NCKAP1: variants seen among roughly 807,000 people sequenced by gnomAD.
The protein encoded by NCKAP1 is NCK associated protein 1.
In NCKAP1, 21 loss-of-function variants were observed where a neutral mutation model predicts 151.2. The observed-to-expected ratio is 0.14, with a 90% CI of 0.10 to 0.20. NCKAP1 has a LOEUF of 0.20. Among genes scored for constraint, NCKAP1 ranks in the 10% least tolerant of loss-of-function variants. The pLI is 1.00. For missense variants in NCKAP1, 933 were observed against 1,352.1 expected, an observed-to-expected ratio of 0.69 and a Z score of 4.86; for synonymous variants, 484 against 451.8, an observed-to-expected ratio of 1.07 and a Z score of -0.90.
At chr2:182,982,469 T>C (rs1056344261) in intron 12 of NCKAP1, among the ~76,000 whole-genome samples, 6 of 152,136 alleles carry the variant, frequency 3.9e-5, no homozygotes, top group African/African-American at 9.7e-5. Context: ...TTAGTACAAA[T>C]TGTACTTTGA....
At chr2:182,971,054 G>T (rs1213419230) in intron 15 of NCKAP1, among the ~76,000 whole-genome samples, 1 of 152,022 alleles carries the variant, frequency 6.6e-6, no homozygotes, top group African/African-American at 2.4e-5. Flanking sequence ...TCTCTACAAT[G>T]AAAGCTATAA....
intron 24 of NCKAP1, among the ~76,000 whole-genome samples, chr2:182,941,739 A>G (rs994367779): frequency 6.6e-6 from 1 of 152,212 alleles, no homozygotes; most frequent in African/African-American, 2.4e-5. Context: ...TAGAAAGTTA[A>G]CAGGCTCAGA....
At chr2:182,969,271 G>A (rs892805324) in intron 15 of NCKAP1, among the ~76,000 whole-genome samples, 1 of 152,170 alleles carries the variant, frequency 6.6e-6, no homozygotes, top group East Asian at 1.9e-4. Flanking sequence ...TGACCACAGT[G>A]CAATAAAACT....
At chr2:183,002,086 A>C in intron 5 of NCKAP1, 41 bp downstream of exon 5, 1 of 1,612,454 alleles carries the variant, frequency 6.2e-7, no homozygotes, top group Non-Finnish European at 8.5e-7. Context: ...GTAATCCATC[A>C]AACTGAGCAT....
chr2:182,972,224 C>CAAAAAAAA (rs56834438), intron 15 of NCKAP1, among the ~76,000 whole-genome samples: 37 of 67,670 alleles, frequency 5.5e-4, no homozygotes, highest in Middle Eastern at 0.013. Context: ...AGCTTAATAG[C>CAAAAAAAA]AAAAAAAAAA....
chr2:182,953,250 T>A lies in NCKAP1; in HGVS notation c.2235A>T (p.Ala745=), dbSNP rs1398889425. 1 of 1,613,498 alleles carries A rather than the reference T, an allele frequency of 6.2e-7. No individual in the cohort carries two copies. Among genetic ancestry groups the A allele is most frequent in the African/African-American group, 1.3e-5 (1 of 75,030 alleles). Reference sequence around the variant, plus strand: ...CTATTGACTGGAGTACGGTCATGTATGCTCTTACACTTGTTAGAAGTTCTG... The same window carrying A: ...CTATTGACTGGAGTACGGTCATGTAAGCTCTTACACTTGTTAGAAGTTCTG... ...KPSELLTSVR[A]YMTVLQSIEN... The change falls in exon 21 of 31, where the codon GCA becomes GCT. Residue 745 remains alanine, a synonymous_variant. Transcript: ENST00000361354.
intron 27 of NCKAP1, among the ~76,000 whole-genome samples, chr2:182,929,775 A>C (rs899443376): frequency 2.6e-5 from 4 of 151,840 alleles, no homozygotes; most frequent in African/African-American, 4.8e-5. Flanking sequence ...AAAAAAAAAA[A>C]AACTGATGAA....
At chr2:182,962,982 T>C (rs1027390869) in intron 17 of NCKAP1, among the ~76,000 whole-genome samples, 3 of 152,084 alleles carry the variant, frequency 2.0e-5, no homozygotes, top group Non-Finnish European at 2.9e-5. Flanking sequence ...TCTAATACTT[T>C]ACAAAGAAAT....
chr2:182,998,290 T>C (rs1396094021), intron 6 of NCKAP1, among the ~76,000 whole-genome samples: 2 of 152,078 alleles, frequency 1.3e-5, no homozygotes, highest in Admixed American at 1.3e-4. Flanking sequence ...ACTCCTACCA[T>C]GTCTGTACTC....
intron 2 of NCKAP1, among the ~76,000 whole-genome samples, chr2:183,016,708 G>A (rs754456190): frequency 6.6e-5 from 10 of 152,180 alleles, no homozygotes; most frequent in Non-Finnish European, 4.4e-5. Flanking sequence ...AAAGATGAGT[G>A]CGTGGTCCAG....
intron 9 of NCKAP1, among the ~76,000 whole-genome samples, chr2:182,988,161 T>C (rs1205177116): frequency 6.6e-6 from 1 of 152,082 alleles, no homozygotes; most frequent in Non-Finnish European, 1.5e-5. Context: ...TGGATTTCAA[T>C]TTGCATTTCG....
intron 2 of NCKAP1, among the ~76,000 whole-genome samples, chr2:183,023,357 A>ATT (rs1238335544): frequency 2.6e-5 from 4 of 152,160 alleles, no homozygotes; most frequent in Non-Finnish European, 5.9e-5. Flanking sequence ...TAATCTTTAG[A>ATT]AATCATTGTC....
chr2:183,009,060 T>A (rs9751944), intron 2 of NCKAP1, among the ~76,000 whole-genome samples: 1 of 152,128 alleles, frequency 6.6e-6, no homozygotes, highest in Non-Finnish European at 1.5e-5. Context: ...CTGAGGAAAC[T>A]GTAGTAAATA....
intron 2 of NCKAP1, among the ~76,000 whole-genome samples, chr2:183,016,301 T>G (rs892475074): frequency 6.6e-6 from 1 of 152,252 alleles, no homozygotes; most frequent in African/African-American, 2.4e-5. Context: ...CTGCCACTAT[T>G]TGACCTATTT....
chr2:182,962,366 G>T (rs1697472918), intron 17 of NCKAP1, 88 bp from the exon 18 acceptor site: 1 of 1,299,782 alleles, frequency 7.7e-7, no homozygotes, highest in Admixed American at 2.6e-5. Flanking sequence ...GGAAAATTAG[G>T]CTAAAGGTAC....
At chr2:182,980,897 ACACTGAAC>A (rs1207772783) in intron 13 of NCKAP1, among the ~76,000 whole-genome samples, 1 of 152,116 alleles carries the variant, frequency 6.6e-6, no homozygotes, top group African/African-American at 2.4e-5. Flanking sequence ...TCTACCATCC[ACACTGAAC>A]CAGGGTGATC....
In NCKAP1 at chr2:182,952,852, A is replaced by C; in HGVS notation, c.2444T>G (p.Val815Gly). ...TAATTCATTTTCTGTAGGTAAGTTC[A>C]CAAACGCTTTCATTGCAGGAAAATA... is the stretch of plus-strand genomic sequence containing the variant. The part of the protein sequence containing the change: ...IAYFPAMKAF[V>G]NLPTENELTF... The change falls in exon 22 of 31, where the codon GTG becomes GGG. Residue 815 changes from valine (V) to glycine (G), a missense_variant. Transcript: ENST00000361354. The C allele has an allele frequency of 6.2e-7, 1 of 1,612,182 alleles. No homozygotes were observed. Among genetic ancestry groups the C allele is most frequent in the Non-Finnish European group, 8.5e-7 (1 of 1,178,870 alleles).
chr2:183,000,087 C>G (rs1698348787), intron 6 of NCKAP1, among the ~76,000 whole-genome samples: 1 of 152,124 alleles, frequency 6.6e-6, no homozygotes, highest in Admixed American at 6.5e-5. Flanking sequence ...AAGCCCAAAC[C>G]CAGCATCACA....
At chr2:183,020,508 A>G (rs1043933599) in intron 2 of NCKAP1, among the ~76,000 whole-genome samples, 1 of 151,182 alleles carries the variant, frequency 6.6e-6, no homozygotes, top group East Asian at 1.9e-4. Flanking sequence ...AATTTATTGC[A>G]TTTTCACCAG....
Sources: allele counts gnomAD v4.1 joint callset (sites outside exome capture counted in the v4.1 genomes callset), GRCh38; gene constraint gnomAD v4.1.1; transcripts MANE v1.5; gene names NCBI Gene and HGNC (gene_info 2026-07-23, HGNC 2026-07-21).